Variants in CENPP observed in about 807,000 individuals in gnomAD.
CENPP encodes centromere protein P.
A neutral mutation model predicts 35.6 loss-of-function variants in CENPP; 24 were observed. The observed-to-expected ratio is 0.67, with a 90% CI of 0.49 to 0.95. The LOEUF is 0.95. Ranked by LOEUF, CENPP falls within the 40% of genes least tolerant of loss-of-function variation. CENPP has a pLI of 0.00. For synonymous variants in CENPP, 120 were observed against 125.5 expected (o/e 0.96, Z 0.29); for missense variants, 332 against 345.3 (o/e 0.96, Z 0.31).
At chr9:92,449,837 ACT>A (rs1404579876) in intron 5 of CENPP, among the ~76,000 whole-genome samples, 3 of 152,040 alleles carry the variant, frequency 2.0e-5, no homozygotes, top group African/African-American at 7.3e-5. Flanking sequence ...CCAGAAGCAG[ACT>A]CTGCCATGCT....
At chr9:92,388,689 G>A (rs1331736091) in intron 5 of CENPP, among the ~76,000 whole-genome samples, 2 of 151,860 alleles carry the variant, frequency 1.3e-5, no homozygotes, top group Non-Finnish European at 2.9e-5. Context: ...GAAATTAGCC[G>A]GGCGTGGTGG....
At chr9:92,535,104 C>G (rs1327949712) in intron 5 of CENPP, among the ~76,000 whole-genome samples, 1 of 140,884 alleles carries the variant, frequency 7.1e-6, no homozygotes, top group Non-Finnish European at 1.6e-5. Flanking sequence ...CTTTTTTTCC[C>G]CCAAATTGAC....
chr9:92,571,818 C>G (rs1393177655), intron 5 of CENPP, among the ~76,000 whole-genome samples: 1 of 151,892 alleles, frequency 6.6e-6, no homozygotes, highest in Non-Finnish European at 1.5e-5. Context: ...TGAATTGATC[C>G]CTTTACCATT....
In CENPP at chr9:92,619,715, C is replaced by A; in HGVS notation, c.*6566C>A. Reference sequence around the variant, plus strand: ...GAGCGAGGGCCACGGTGAGCACGGGCGTCAGGAGGTCGCCCTGTGAGAGCA... The same window carrying A: ...GAGCGAGGGCCACGGTGAGCACGGGAGTCAGGAGGTCGCCCTGTGAGAGCA... On this transcript the variant is annotated 3_prime_UTR_variant, in exon 8 of 8. Coordinates refer to ENST00000375587, the MANE Select transcript of CENPP (RefSeq NM_001012267.3). The A allele has an allele frequency of 2.9e-6, 2 of 699,354 alleles. No homozygotes were observed. The highest frequency in any genetic ancestry group is 5.0e-6 in the Non-Finnish European group (2 of 403,804). The allele number at this position is 699,354 out of a possible 1,614,324, so 43.3% of individuals were successfully genotyped here.
chr9:92,617,735 G>A lies in CENPP; in HGVS notation c.*4586G>A, dbSNP rs1588328230. The A allele has an allele frequency of 2.4e-5, 4 of 165,434 alleles. No individual in the cohort carries two copies. The highest frequency in any genetic ancestry group is 1.8e-4 in the East Asian group (1 of 5,682). The allele number at this position is 165,434 out of a possible 1,614,324, so 10.2% of individuals were successfully genotyped here. ...GGATCGGGGTGGAGAAGCCAAGGCC[G>A]CACACTGTGTTTCAAATGGGAGGTC... On this transcript the variant is annotated 3_prime_UTR_variant, in exon 8 of 8. Transcript: ENST00000375587.
intron 5 of CENPP, among the ~76,000 whole-genome samples, chr9:92,468,060 A>G (rs1845378407): frequency 6.6e-6 from 1 of 152,216 alleles, no homozygotes. Context: ...GGAAATGCGT[A>G]AAGTGAAGAA....
chr9:92,575,751 G>T (rs1850266391), intron 5 of CENPP, among the ~76,000 whole-genome samples: 1 of 151,956 alleles, frequency 6.6e-6, no homozygotes, highest in African/African-American at 2.4e-5. Context: ...GGTGGAGGTT[G>T]CAGTGAGCCG....
chr9:92,494,762 C>T (rs550277043), intron 5 of CENPP, among the ~76,000 whole-genome samples: 125 of 151,992 alleles, frequency 8.2e-4, no homozygotes, highest in Non-Finnish European at 1.1e-3. Flanking sequence ...CAAACATTAG[C>T]GGGGAGTGGT....
chr9:92,509,313 G>GC (rs1847196597), intron 5 of CENPP, among the ~76,000 whole-genome samples: 1 of 152,158 alleles, frequency 6.6e-6, no homozygotes. Flanking sequence ...ACCATGAAGA[G>GC]CATGTGCTTT....
intron 5 of CENPP, among the ~76,000 whole-genome samples, chr9:92,395,462 T>G (rs560687019): frequency 6.6e-6 from 1 of 152,334 alleles, no homozygotes; most frequent in South Asian, 2.1e-4. Flanking sequence ...TTTTCACTAT[T>G]TCAAAGAAAT....
chr9:92,348,123 T>C (rs1182315451), intron 4 of CENPP, among the ~76,000 whole-genome samples: 1 of 150,286 alleles, frequency 6.7e-6, no homozygotes, highest in Non-Finnish European at 1.5e-5. Context: ...TTTTTTTTTT[T>C]TTTTTGTGCA....
At chr9:92,440,382 T>TAAAC (rs1043533204) in intron 5 of CENPP, among the ~76,000 whole-genome samples, 1 of 151,626 alleles carries the variant, frequency 6.6e-6, no homozygotes, top group Non-Finnish European at 1.5e-5. Flanking sequence ...AATAAATAAA[T>TAAAC]AAATCACAAG....
chr9:92,514,391 C>T (rs1243983533), intron 5 of CENPP, among the ~76,000 whole-genome samples: 5 of 151,828 alleles, frequency 3.3e-5, no homozygotes, highest in South Asian at 2.1e-4. Context: ...TCTCCTGCCT[C>T]GGCCTTCTGA....
intron 5 of CENPP, among the ~76,000 whole-genome samples, chr9:92,498,951 T>C (rs1379643114): frequency 6.6e-6 from 1 of 152,218 alleles, no homozygotes; most frequent in East Asian, 1.9e-4. Flanking sequence ...GGCAGTCCAC[T>C]GAAAGGCCTC....
chr9:92,354,102 A>C (rs1841531434), intron 4 of CENPP, among the ~76,000 whole-genome samples: 1 of 152,236 alleles, frequency 6.6e-6, no homozygotes, highest in African/African-American at 2.4e-5. Flanking sequence ...CATCAGAGGC[A>C]ATGCTGTATG....
intron 5 of CENPP, among the ~76,000 whole-genome samples, chr9:92,532,914 A>G (rs749168972): frequency 6.6e-6 from 1 of 152,068 alleles, no homozygotes; most frequent in Non-Finnish European, 1.5e-5. Context: ...AAAATACTTG[A>G]GAATTTGCGT....
chr9:92,600,399 T>C, intron 5 of CENPP: 1 of 1,608,016 alleles, frequency 6.2e-7, no homozygotes, highest in Non-Finnish European at 8.5e-7. Context: ...TGGGTCTCTT[T>C]CAACTCTGGG....
chr9:92,416,058 G>A (rs111885314), intron 5 of CENPP, among the ~76,000 whole-genome samples: 4,520 of 130,848 alleles, frequency 0.035, 276 homozygotes, highest in African/African-American at 0.11. Context: ...ATATATGTGT[G>A]TATATATATA....
At position 92,552,192 on chromosome 9, in the gene CENPP, C is replaced by T. The variant is rs113739508; in HGVS notation, c.565-59122C>T. On this transcript the variant is annotated intron_variant, in intron 5 of 7. Coordinates refer to ENST00000375587, the MANE Select transcript of CENPP (RefSeq NM_001012267.3). ...TGTGATATGATAGATCTATCATATA[C>T]ACACACACACACACACACACACACC... Among the ~76,000 whole-genome samples the T allele has an allele frequency of 1.3e-3, 170 of 127,672 alleles. 6 individuals are homozygous for T. The highest frequency in any genetic ancestry group is 4.7e-3 in the African/African-American group (154 of 32,706). 83.8% of individuals were successfully genotyped at this position (127,672 alleles called of 152,430 possible). A position where few individuals can be genotyped will look rare whatever the true frequency, so the allele number is the denominator to read the frequency against.
Sources: gnomAD v4.1 joint callset for allele counts (sites outside exome capture counted in the v4.1 genomes callset) on GRCh38, gnomAD v4.1.1 for gene constraint, MANE v1.5 for transcripts, NCBI Gene and HGNC (gene_info 2026-07-23, HGNC 2026-07-21) for gene names.